Variants in SBF2 observed in about 807,000 individuals in gnomAD.
SBF2 encodes SET binding factor 2.
SBF2 carries 112 observed loss-of-function variants against 225.2 expected under a neutral mutation model. The ratio of observed to expected loss-of-function variants is 0.50; its 90% CI spans 0.43 to 0.58. The LOEUF (loss-of-function observed/expected upper bound fraction) is 0.58. Ranked by LOEUF, SBF2 falls within the 20% of genes least tolerant of loss-of-function variation. The pLI, the probability that SBF2 is intolerant of heterozygous loss-of-function variation, is 0.00. For missense variants in SBF2, 1,996 were observed against 2,206.2 expected, an observed-to-expected ratio of 0.90 and a Z score of 1.91; for synonymous variants, 763 against 773.3, an observed-to-expected ratio of 0.99 and a Z score of 0.22.
chr11:10,059,933 T>C (rs2089577804), intron 2 of SBF2, among the ~76,000 whole-genome samples: 2 of 152,130 alleles, frequency 1.3e-5, no homozygotes, highest in South Asian at 2.1e-4. Flanking sequence ...AAGTTAGGAA[T>C]ATCTCAAATT....
intron 3 of SBF2, among the ~76,000 whole-genome samples, chr11:10,034,932 C>T (rs527634896): frequency 3.3e-5 from 5 of 152,226 alleles, no homozygotes; most frequent in African/African-American, 4.8e-5. Context: ...ACCAGGTTTG[C>T]CCTTTCATTG....
At chr11:10,298,236 C>G (rs1462983852), upstream of SBF2, among the ~76,000 whole-genome samples, 1 of 152,036 alleles carries the variant, frequency 6.6e-6, no homozygotes, top group African/African-American at 2.4e-5. Context: ...ACTAAAAACA[C>G]AAAAATTAGC....
chr11:9,908,704 G>A (rs1430736597), intron 16 of SBF2, among the ~76,000 whole-genome samples: 2 of 151,644 alleles, frequency 1.3e-5, no homozygotes, highest in Admixed American at 6.6e-5. Flanking sequence ...TGCTGTTGTT[G>A]TTGTTTTAGA....
intron 2 of SBF2, among the ~76,000 whole-genome samples, chr11:10,091,489 A>G (rs12421179): frequency 0.2 from 30,375 of 152,126 alleles, 3,918 homozygotes; most frequent in Non-Finnish European, 0.3. Flanking sequence ...TATTAAGTAT[A>G]ATTCTGTACA....
intron 1 of SBF2, among the ~76,000 whole-genome samples, chr11:10,286,170 A>G (rs201137285): frequency 1.3e-3 from 111 of 83,492 alleles, no homozygotes; most frequent in East Asian, 8.0e-3. Context: ...GCACACGCAC[A>G]CACACACACA....
intron 1 of SBF2, among the ~76,000 whole-genome samples, chr11:10,201,142 C>A (rs924208405): frequency 6.6e-6 from 1 of 152,124 alleles, no homozygotes; most frequent in Admixed American, 6.5e-5. Context: ...GAAAATCAGA[C>A]TTTTGGGTAC....
chr11:9,923,794 C>A (rs1328407790), intron 16 of SBF2, among the ~76,000 whole-genome samples: 2 of 152,154 alleles, frequency 1.3e-5, no homozygotes, highest in Admixed American at 6.5e-5. Flanking sequence ...TAGTTCCCGG[C>A]CCCAAATGGC....
intron 2 of SBF2, among the ~76,000 whole-genome samples, chr11:10,114,720 T>A (rs1191032914): frequency 6.6e-6 from 1 of 152,290 alleles, no homozygotes; most frequent in South Asian, 2.1e-4. Context: ...TTTTCCATTA[T>A]GATCCCATTG....
intron 16 of SBF2, among the ~76,000 whole-genome samples, chr11:9,936,167 GA>G (rs748464161): frequency 5.3e-5 from 8 of 152,192 alleles, no homozygotes; most frequent in Non-Finnish European, 1.2e-4. Context: ...CTTCTCAAAA[GA>G]AGACGTTTAT....
In SBF2 at chr11:10,173,386, A is replaced by G. The variant is rs536445853; in HGVS notation, c.141+20516T>C. ...TCAGGGAGTTCCCTTTCCTAGTCAA[A>G]GAAAGGGGTGACAGATGGCACCTGG... On this transcript the variant is annotated intron_variant, in intron 2 of 39. Coordinates refer to ENST00000256190, the MANE Select transcript of SBF2 (RefSeq NM_030962.4). 6.7e-3 allele frequency among the ~76,000 whole-genome samples: 1,015 copies of G among 152,324 alleles called. 9 individuals are homozygous for G. Among genetic ancestry groups the G allele is most frequent in the Middle Eastern group, 0.027 (8 of 294 alleles).
chr11:10,233,564 T>C (rs942685444), intron 1 of SBF2, among the ~76,000 whole-genome samples: 2 of 146,800 alleles, frequency 1.4e-5, no homozygotes, highest in Non-Finnish European at 3.1e-5. Context: ...TATATATCTC[T>C]CTCTCTCAAA....
At chr11:9,916,535 C>T (rs1226001322) in intron 16 of SBF2, among the ~76,000 whole-genome samples, 2 of 151,560 alleles carry the variant, frequency 1.3e-5, no homozygotes, top group East Asian at 1.9e-4. Context: ...AACATGAAAG[C>T]GGCCTTGGAA....
chr11:10,022,416 T>C (rs993307307), intron 6 of SBF2, among the ~76,000 whole-genome samples: 3 of 152,142 alleles, frequency 2.0e-5, no homozygotes, highest in African/African-American at 4.8e-5. Flanking sequence ...ATATTAGTTA[T>C]GCACATAAAG....
chr11:10,221,542 T>A (rs1958340051), intron 1 of SBF2, among the ~76,000 whole-genome samples: 1 of 152,144 alleles, frequency 6.6e-6, no homozygotes, highest in Non-Finnish European at 1.5e-5. Flanking sequence ...AGTATCTACA[T>A]TAGGGGGCAC....
intron 3 of SBF2, among the ~76,000 whole-genome samples, chr11:10,040,556 C>T (rs1256839974): frequency 6.6e-6 from 1 of 151,374 alleles, no homozygotes; most frequent in African/African-American, 2.4e-5. Context: ...AGATCCTGTA[C>T]TGGAAGAAAA....
At chr11:9,837,441 T>C (rs1309951678) in intron 26 of SBF2, among the ~76,000 whole-genome samples, 1 of 152,262 alleles carries the variant, frequency 6.6e-6, no homozygotes, top group East Asian at 1.9e-4. Flanking sequence ...CTTATCTTTA[T>C]ATAATAAACT....
At chr11:10,122,805 C>T (rs79175090) in intron 2 of SBF2, among the ~76,000 whole-genome samples, 11,452 of 152,232 alleles carry the variant, frequency 0.075, 615 homozygotes, top group East Asian at 0.28. Context: ...TTCATACCTG[C>T]ACACTTACAC....
intron 2 of SBF2, among the ~76,000 whole-genome samples, chr11:10,177,309 C>G (rs1956512225): frequency 6.8e-6 from 1 of 147,682 alleles, no homozygotes. Context: ...TCTCACCACT[C>G]CTATTCAACA....
intron 2 of SBF2, among the ~76,000 whole-genome samples, chr11:10,085,768 G>A (rs746379790): frequency 9.9e-5 from 15 of 151,868 alleles, no homozygotes; most frequent in East Asian, 1.9e-4. Flanking sequence ...GTTTTTCTGC[G>A]GTTGTTTTCT....
Sources: gnomAD v4.1 joint callset for allele counts (sites outside exome capture counted in the v4.1 genomes callset) on GRCh38, gnomAD v4.1.1 for gene constraint, MANE v1.5 for transcripts, NCBI Gene and HGNC (gene_info 2026-07-23, HGNC 2026-07-21) for gene names.